The following TCN2 variants were observed in gnomAD, a reference collection of about 807,000 sequenced individuals.
TCN2 encodes the protein transcobalamin-2.
TCN2 carries 34 observed loss-of-function variants against 48.6 expected under a neutral mutation model. The observed-to-expected ratio is 0.70, with a 90% CI of 0.53 to 0.93. The LOEUF is 0.93. Among genes scored for constraint, TCN2 ranks in the 40% least tolerant of loss-of-function variants. The pLI is 0.00. For missense variants in TCN2, 652 were observed against 526.1 expected, an observed-to-expected ratio of 1.24 and a Z score of -2.34; for synonymous variants, 283 against 212.5, an observed-to-expected ratio of 1.33 and a Z score of -2.89.
chr22:30,623,144 C>T, intron 8 of TCN2, 61 bp downstream of exon 8: 2 of 1,550,870 alleles, frequency 1.3e-6, no homozygotes, highest in Non-Finnish European at 1.8e-6. Flanking sequence ...AGCCAAGAGG[C>T]TTCATCAACT....
At position 30,623,823 on chromosome 22, in the gene TCN2, T is replaced by TATATACACACACATATAC. The variant is rs1328835495; in HGVS notation, c.1222+741_1222+742insTATACACACACATATACA. Among the ~76,000 whole-genome samples the TATATACACACACATATAC allele has an allele frequency of 4.0e-5, 2 of 49,496 alleles. 1 individual carries two copies. Among genetic ancestry groups the TATATACACACACATATAC allele is most frequent in the Non-Finnish European group, 6.8e-5 (2 of 29,348 alleles). 32.5% of individuals were successfully genotyped at this position (49,496 alleles called of 152,430 possible). ...ACACATACACATATATACACACACA[T>TATATACACACACATATAC]ACACACACATATACACACACATACA... On this transcript the variant is annotated intron_variant, in intron 8 of 8. Coordinates refer to ENST00000215838, the MANE Select transcript of TCN2 (RefSeq NM_000355.4).
In TCN2 at chr22:30,623,859, T is replaced by TACACACACATACATAC. The variant is rs200064411; in HGVS notation, c.1222+783_1222+784insCATACATACACACACA. Among the ~76,000 whole-genome samples the TACACACACATACATAC allele has an allele frequency of 8.2e-5, 4 of 48,844 alleles. 2 individuals carry two copies. Among genetic ancestry groups the TACACACACATACATAC allele is most frequent in the African/African-American group, 6.5e-4 (4 of 6,130 alleles). 32.0% of individuals were successfully genotyped at this position (48,844 alleles called of 152,430 possible). ...ATACACACACATACATACACATACATACACACATATATACACACATATATA... is the reference window on the plus strand; with the variant it reads ...ATACACACACATACATACACATACATACACACACATACATACACACACATATATACACACATATATA... On this transcript the variant is annotated intron_variant, in intron 8 of 8. Coordinates refer to ENST00000215838, the MANE Select transcript of TCN2 (RefSeq NM_000355.4).
intron 7 of TCN2, among the ~76,000 whole-genome samples, chr22:30,619,037 C>T (rs923417968): frequency 3.3e-5 from 5 of 151,346 alleles, no homozygotes; most frequent in Non-Finnish European, 2.9e-5. Flanking sequence ...CCCAAAGTGC[C>T]GGGATTACAG....
chr22:30,615,055 A>G (rs2087592414), intron 4 of TCN2, among the ~76,000 whole-genome samples: 1 of 152,312 alleles, frequency 6.6e-6, no homozygotes, highest in Middle Eastern at 3.4e-3. Context: ...TTGCAGAGTG[A>G]TCAGCCAAAC....
intron 2 of TCN2, among the ~76,000 whole-genome samples, 155 bp from the exon 3 acceptor site, chr22:30,612,718 C>G (rs756362236): frequency 6.6e-6 from 1 of 152,218 alleles, no homozygotes; most frequent in Non-Finnish European, 1.5e-5. Context: ...ATACACCTCA[C>G]AACAACATAG....
chr22:30,622,579 GTC>G (rs2087714641), intron 7 of TCN2, among the ~76,000 whole-genome samples: 1 of 152,138 alleles, frequency 6.6e-6, no homozygotes, highest in Admixed American at 6.5e-5. Context: ...GACCCTGCCT[GTC>G]TCTGTATGCA....
In TCN2 at chr22:30,610,967, T is replaced by C. The variant is rs2087530236; in HGVS notation, c.161T>C (p.Ile54Thr). The C allele has an allele frequency of 1.2e-6, 2 of 1,614,050 alleles. No homozygotes were observed. Among genetic ancestry groups the C allele is most frequent in the African/African-American group, 2.7e-5 (2 of 74,914 alleles). Residue 54 changes from isoleucine to threonine, a missense_variant, in exon 2 of 9, where the codon ATC becomes ACC. Coordinates refer to ENST00000215838, the MANE Select transcript of TCN2 (RefSeq NM_000355.4). ...RLSLEHLNPSIYVGLRLSSLQ... is the reference protein window; with the variant it reads ...RLSLEHLNPSTYVGLRLSSLQ... Reference sequence around the variant, plus strand: ...TCCCTGGAGCACTTGAACCCCAGCATCTATGTGGGCCTACGCCTCTCCAGT... The same window carrying C: ...TCCCTGGAGCACTTGAACCCCAGCACCTATGTGGGCCTACGCCTCTCCAGT...
At position 30,623,803 on chromosome 22, in the gene TCN2, T is replaced by TATAC. The variant is rs57088816; in HGVS notation, c.1222+721_1222+722insTACA. 4.9e-5 allele frequency among the ~76,000 whole-genome samples: 3 copies of TATAC among 61,570 alleles called. 1 individual carries two copies. The highest frequency in any genetic ancestry group is 6.9e-4 in the South Asian group (2 of 2,878). 40.4% of individuals were successfully genotyped at this position (61,570 alleles called of 152,430 possible). A position where few individuals can be genotyped will look rare whatever the true frequency, so the allele number is the denominator to read the frequency against. On this transcript the variant is annotated intron_variant, in intron 8 of 8. Coordinates refer to ENST00000215838, the MANE Select transcript of TCN2 (RefSeq NM_000355.4). ...ATATATGTATACATATATACACACA[T>TATAC]ACACATATATACACACACATACACA... is the stretch of plus-strand genomic sequence containing the variant.
At chr22:30,625,652 TGTG>T (rs2145562527) in intron 8 of TCN2, among the ~76,000 whole-genome samples, 1 of 152,184 alleles carries the variant, frequency 6.6e-6, no homozygotes, top group South Asian at 2.1e-4. Context: ...TTAGTAGAAA[TGTG>T]GTTTCACCAT....
intron 6 of TCN2, among the ~76,000 whole-genome samples, 200 bp downstream of exon 6, chr22:30,615,987 TGGGCATATC>T (rs1030503139): frequency 2.0e-5 from 3 of 152,026 alleles, no homozygotes; most frequent in African/African-American, 7.3e-5. Context: ...TGGAGATCCC[TGGGCATATC>T]GCTTGTGTGA....
At chr22:30,621,321 C>A (rs916506377) in intron 7 of TCN2, among the ~76,000 whole-genome samples, 6 of 152,072 alleles carry the variant, frequency 3.9e-5, no homozygotes, top group African/African-American at 9.7e-5. Flanking sequence ...AAAAATCCCT[C>A]TAAGACTGCA....
At chr22:30,623,880 A>ATATATG (rs1569046722) in intron 8 of TCN2, among the ~76,000 whole-genome samples, 2 of 87,694 alleles carry the variant, frequency 2.3e-5, no homozygotes, top group East Asian at 5.2e-4. Flanking sequence ...ATACACACAT[A>ATATATG]TATACACACA....
Position 30,624,055 on chromosome 22 carries a change from C to CACATACATATGTATACATATATAT in TCN2, c.1222+975_1222+976insTACATATGTATACATATATATACA. 2.3e-4 allele frequency among the ~76,000 whole-genome samples: 4 copies of CACATACATATGTATACATATATAT among 17,420 alleles called. 1 individual carries two copies. The highest frequency in any genetic ancestry group is 4.1e-4 in the Non-Finnish European group (4 of 9,706). 11.4% of individuals were successfully genotyped at this position (17,420 alleles called of 152,430 possible). A position where few individuals can be genotyped will look rare whatever the true frequency, so the allele number is the denominator to read the frequency against. ...ATGTATACATATATACACACACACACACACACATATATATATATATATATA... is the reference window on the plus strand; with the variant it reads ...ATGTATACATATATACACACACACACACATACATATGTATACATATATATACACACATATATATATATATATATA... On this transcript the variant is annotated intron_variant, in intron 8 of 8. Coordinates refer to ENST00000215838, the MANE Select transcript of TCN2 (RefSeq NM_000355.4).
At chr22:30,615,986 C>T (rs1392783243) in intron 6 of TCN2, among the ~76,000 whole-genome samples, 199 bp downstream of exon 6, 1 of 151,932 alleles carries the variant, frequency 6.6e-6, no homozygotes, top group Non-Finnish European at 1.5e-5. Context: ...ATGGAGATCC[C>T]TGGGCATATC....
intron 7 of TCN2, among the ~76,000 whole-genome samples, chr22:30,618,680 GT>G (rs2087651729): frequency 6.6e-6 from 1 of 151,530 alleles, no homozygotes; most frequent in African/African-American, 2.4e-5. Context: ...GTCTCTCTCT[GT>G]TATCCAGGCT....
Position 30,624,055 on chromosome 22 carries a change from C to CATATATATATATACATATAT in TCN2, c.1222+973_1222+974insTATATATATATACATATATA, listed in dbSNP as rs1569047268. On this transcript the variant is annotated intron_variant, in intron 8 of 8. Coordinates refer to ENST00000215838, the MANE Select transcript of TCN2 (RefSeq NM_000355.4). ...ATGTATACATATATACACACACACA[C>CATATATATATATACATATAT]ACACACATATATATATATATATATA... 7.2e-3 allele frequency among the ~76,000 whole-genome samples: 125 copies of CATATATATATATACATATAT among 17,412 alleles called. 31 individuals are homozygous for CATATATATATATACATATAT. Among genetic ancestry groups the CATATATATATATACATATAT allele is most frequent in the Non-Finnish European group, 9.7e-3 (94 of 9,708 alleles). The allele number at this position is 17,412 out of a possible 152,430, so 11.4% of individuals were successfully genotyped here. A position where few individuals can be genotyped will look rare whatever the true frequency, so the allele number is the denominator to read the frequency against.
At position 30,626,591 on chromosome 22, in the gene TCN2, G is replaced by C; in HGVS notation, c.*70G>C. The C allele has an allele frequency of 6.4e-7, 1 of 1,557,764 alleles. No individual in the cohort carries two copies. The highest frequency in any genetic ancestry group is 8.8e-7 in the Non-Finnish European group (1 of 1,132,120). ...TTCTACCCTCCCTCCTGATGTCCCT[G>C]GAACAGGAACTCGCCTGACCCTGCT... On this transcript the variant is annotated 3_prime_UTR_variant, in exon 9 of 9. Transcript: ENST00000215838.
Position 30,626,621 on chromosome 22 carries a change from C to A in TCN2, c.*100C>A. ...AGGAACTCGCCTGACCCTGCTGCCA[C>A]CTCCTGTGCACTTTGAGCAATGCCC... On this transcript the variant is annotated 3_prime_UTR_variant, in exon 9 of 9. Transcript: ENST00000215838. The A allele has an allele frequency of 7.4e-7, 1 of 1,344,854 alleles. No homozygotes were observed. 83.3% of individuals were successfully genotyped at this position (1,344,854 alleles called of 1,614,324 possible).
At chr22:30,621,561 C>G (rs1042486317) in intron 7 of TCN2, among the ~76,000 whole-genome samples, 1 of 152,214 alleles carries the variant, frequency 6.6e-6, no homozygotes, top group Non-Finnish European at 1.5e-5. Flanking sequence ...CAGGTCACTG[C>G]AACCTCCGCC....
Sources: allele counts gnomAD v4.1 joint callset (sites outside exome capture counted in the v4.1 genomes callset), GRCh38; gene constraint gnomAD v4.1.1; transcripts MANE v1.5; gene names NCBI Gene and HGNC (gene_info 2026-07-23, HGNC 2026-07-21).